Variants in ANKRD31 observed in about 807,000 individuals in gnomAD.
ANKRD31 encodes the protein ankyrin repeat domain-containing protein 31.
Under a neutral mutation model 186.0 loss-of-function variants are expected in ANKRD31, and 147 were observed. The observed-to-expected ratio is 0.79, with a 90% CI of 0.69 to 0.91. The LOEUF is 0.91. Among genes scored for constraint, ANKRD31 ranks in the 40% least tolerant of loss-of-function variants. The pLI is 0.00. For synonymous variants in ANKRD31, 673 were observed against 736.4 expected (o/e 0.91, Z 1.39); for missense variants, 1,986 against 2,148.8 (o/e 0.92, Z 1.50).
chr5:75,129,969 A>G (rs1192014708), intron 17 of ANKRD31, among the ~76,000 whole-genome samples: 2 of 152,136 alleles, frequency 1.3e-5, no homozygotes, highest in Non-Finnish European at 2.9e-5. Flanking sequence ...GTGTGTTCAG[A>G]ATTGGTGGGT....
intron 10 of ANKRD31, among the ~76,000 whole-genome samples, chr5:75,179,156 C>T (rs1580496998): frequency 6.6e-6 from 1 of 152,030 alleles, no homozygotes; most frequent in Non-Finnish European, 1.5e-5. Flanking sequence ...AATTCCTCGA[C>T]ACATACACCC....
At chr5:75,141,448 C>T (rs1427903898) in intron 15 of ANKRD31, among the ~76,000 whole-genome samples, 1 of 151,900 alleles carries the variant, frequency 6.6e-6, no homozygotes, top group Non-Finnish European at 1.5e-5. Flanking sequence ...AAAAATCTCT[C>T]CCAGCTGGGC....
intron 25 of ANKRD31, among the ~76,000 whole-genome samples, chr5:75,070,707 A>T (rs1026172803): frequency 7.2e-5 from 11 of 152,192 alleles, no homozygotes; most frequent in African/African-American, 2.2e-4. Context: ...TACTATTTTC[A>T]CGGGCATCTT....
rs778033079 is a variant in ANKRD31, at chr5:75,146,538, A to G, written c.2873T>C (p.Leu958Ser). 1 of 1,536,540 alleles carries G rather than the reference A, an allele frequency of 6.5e-7. No individual in the cohort carries two copies. Among genetic ancestry groups the G allele is most frequent in the Non-Finnish European group, 8.7e-7 (1 of 1,146,456 alleles). The change falls in exon 14 of 26, where the codon TTA becomes TCA. Residue 958 changes from leucine (L) to serine (S), a missense_variant. Coordinates refer to ENST00000506364, the MANE Select transcript of ANKRD31 (RefSeq NM_001372053.1). ...AAGTGTGGTTAGGCTGACTGCTTTT[A>G]ACTCATTTTCCTGTGAAAGATGATC... Reference protein sequence around the residue: ...SEDHLSQENELKAVSLTTLPE... With the variant: ...SEDHLSQENESKAVSLTTLPE...
Position 75,143,996 on chromosome 5 carries a change from C to T in ANKRD31, c.3595+5G>A, listed in dbSNP as rs1751242055. 1 of 397,098 alleles carries T rather than the reference C, an allele frequency of 2.5e-6. No homozygotes were observed. The highest frequency in any genetic ancestry group is 4.4e-6 in the Non-Finnish European group (1 of 225,072). The allele number at this position is 397,098 out of a possible 1,614,324, so 24.6% of individuals were successfully genotyped here. A position where few individuals can be genotyped will look rare whatever the true frequency, so the allele number is the denominator to read the frequency against. On this transcript the variant is annotated splice_donor_5th_base_variant and intron_variant, in intron 15 of 25. Transcript: ENST00000506364. ...TTTAACCTATACAATTATAGGAATA[C>T]AAACCTAGGTTGCAGGTAGTTTTTA... is the stretch of plus-strand genomic sequence containing the variant.
intron 17 of ANKRD31, among the ~76,000 whole-genome samples, chr5:75,135,787 C>A (rs564226922): frequency 2.6e-5 from 4 of 152,244 alleles, no homozygotes; most frequent in Non-Finnish European, 5.9e-5. Flanking sequence ...CTACAGTAAC[C>A]AAAACAGCAT....
intron 25 of ANKRD31, among the ~76,000 whole-genome samples, chr5:75,072,177 T>C (rs1341035235): frequency 6.6e-6 from 1 of 152,250 alleles, no homozygotes; most frequent in Non-Finnish European, 1.5e-5. Context: ...TTTGCCTTTT[T>C]GTTTTTCTCC....
chr5:75,142,141 C>T (rs1232289067), intron 15 of ANKRD31, among the ~76,000 whole-genome samples: 1 of 152,024 alleles, frequency 6.6e-6, no homozygotes, highest in African/African-American at 2.4e-5. Flanking sequence ...TTTTTCTTCT[C>T]GGAAGCTTTC....
At chr5:75,213,210 G>T (rs1756759807) in intron 3 of ANKRD31, among the ~76,000 whole-genome samples, 4 of 152,080 alleles carry the variant, frequency 2.6e-5, no homozygotes, top group South Asian at 4.1e-4. Flanking sequence ...ATTAAACAGG[G>T]TATACCTACA....
intron 17 of ANKRD31, among the ~76,000 whole-genome samples, chr5:75,123,526 C>T (rs115611546): frequency 0.021 from 3,122 of 152,094 alleles, 48 homozygotes; most frequent in South Asian, 0.033. Context: ...GAGCACATTA[C>T]CTGACTTCAA....
chr5:75,174,218 A>C (rs1286532271), intron 10 of ANKRD31, among the ~76,000 whole-genome samples: 1 of 152,222 alleles, frequency 6.6e-6, no homozygotes, highest in Non-Finnish European at 1.5e-5. Context: ...CACCTTATAC[A>C]AAAATTAATT....
In ANKRD31 at chr5:75,192,749, A is replaced by G. The variant is rs1163873984; in HGVS notation, c.1326T>C (p.Asp442=). ...CTGAATGCATATTCTTCTCTTTACC[A>G]TCAATCATTAAAGCCGGATCCTGCA... ...FRMQDPALMI[D]GKEKNMHSAR... Residue 442 remains aspartate (D), a synonymous_variant, in exon 9 of 26, where the codon GAT becomes GAC. Coordinates refer to ENST00000506364, the MANE Select transcript of ANKRD31 (RefSeq NM_001372053.1). 4.6e-6 allele frequency: 7 copies of G among 1,535,110 alleles called. No homozygotes were observed. The Admixed American group carries it at 9.9e-5, about 22-fold the overall frequency.
intron 24 of ANKRD31, among the ~76,000 whole-genome samples, chr5:75,080,848 T>C (rs553729977): frequency 1.3e-5 from 2 of 152,162 alleles, no homozygotes; most frequent in Admixed American, 6.5e-5. Flanking sequence ...CTAAAAAGTA[T>C]GGTCATCAAA....
chr5:75,183,945 C>G (rs1477969164), intron 10 of ANKRD31, among the ~76,000 whole-genome samples: 2 of 152,042 alleles, frequency 1.3e-5, no homozygotes, highest in African/African-American at 4.8e-5. Flanking sequence ...GACCCCCAAA[C>G]AGCCAAAGCA....
rs1473376539 is a variant in ANKRD31 at position 75,111,463 on chromosome 5, C to T, written c.4243+1050G>A. On this transcript the variant is annotated intron_variant, in intron 20 of 25. Transcript: ENST00000506364. ...TAGTTTCCTCCAAACATAACACGTA[C>T]CATGTTAGGCCAGGACGAAAAGTAG... Among the ~76,000 whole-genome samples the T allele has an allele frequency of 8.3e-4, 126 of 151,952 alleles. 1 individual carries two copies. Among genetic ancestry groups the T allele is most frequent in the Non-Finnish European group, 7.4e-5 (5 of 68,006 alleles).
At chr5:75,191,076 G>A (rs576383176) in intron 9 of ANKRD31, among the ~76,000 whole-genome samples, 2 of 152,086 alleles carry the variant, frequency 1.3e-5, no homozygotes, top group African/African-American at 2.4e-5. Flanking sequence ...AAACCAAGAG[G>A]ATTTAAAAAG....
Position 75,234,097 on chromosome 5 carries a change from T to C in ANKRD31, c.104+2486A>G, listed in dbSNP as rs78041219. On this transcript the variant is annotated intron_variant, in intron 1 of 25. Transcript: ENST00000506364. The stretch of plus-strand genomic sequence containing the variant: ...ATTATCCCTTTATGACAGAAAACTA[T>C]CAATAATTTAGGGAAGAATTTTAAT... Among the ~76,000 whole-genome samples the C allele has an allele frequency of 2.4e-3, 369 of 152,290 alleles. 9 individuals are homozygous for C. In the East Asian group the frequency reaches 0.062, roughly 25 times the overall value.
chr5:75,101,172 C>T (rs2150050458), intron 22 of ANKRD31, among the ~76,000 whole-genome samples: 1 of 152,252 alleles, frequency 6.6e-6, no homozygotes, highest in South Asian at 2.1e-4. Context: ...TTTATTTCTC[C>T]TTCACTTAGG....
At chr5:75,199,087 A>T (rs1191651748) in intron 6 of ANKRD31, among the ~76,000 whole-genome samples, 1 of 152,192 alleles carries the variant, frequency 6.6e-6, no homozygotes, top group Non-Finnish European at 1.5e-5. Context: ...ATGGGCCTAC[A>T]GTCCTAGCTA....
Sources: gnomAD v4.1 joint callset for allele counts (sites outside exome capture counted in the v4.1 genomes callset) on GRCh38, gnomAD v4.1.1 for gene constraint, MANE v1.5 for transcripts, NCBI Gene and HGNC (gene_info 2026-07-23, HGNC 2026-07-21) for gene names.